AATK: variants seen among roughly 807,000 people sequenced by gnomAD.
AATK encodes lemur tail kinase 1.
Under a neutral mutation model 114.3 loss-of-function variants are expected in AATK, and 91 were observed. The ratio of observed to expected loss-of-function variants is 0.80; its 90% CI spans 0.67 to 0.95. The LOEUF (loss-of-function observed/expected upper bound fraction) is 0.95. AATK is among the 40% of genes least tolerant of loss of function. AATK has a pLI of 0.00. For missense variants in AATK, 2,176 were observed against 1,965.2 expected, an observed-to-expected ratio of 1.11 and a Z score of -2.03; for synonymous variants, 1,075 against 916.5, an observed-to-expected ratio of 1.17 and a Z score of -3.12.
rs1568220381 is a variant in AATK at position 81,121,735 on chromosome 17, G to A, written c.2201C>T (p.Ala734Val). Reference sequence around the variant, plus strand: ...GCAGCAGCCTGGCTCCTGGGCAGAGGCTGCCTGGAGCCCAAGCAGAGGCTC... The same window carrying A: ...GCAGCAGCCTGGCTCCTGGGCAGAGACTGCCTGGAGCCCAAGCAGAGGCTC... ...PGEPLLGLQA[A>V]SAQEPGCCPG... Residue 734 changes from alanine (A) to valine (V), a missense_variant, in exon 11 of 14, where the codon GCC becomes GTC. Coordinates refer to ENST00000326724, the MANE Select transcript of AATK (RefSeq NM_001080395.3). 6.7e-7 allele frequency: 1 copy of A among 1,498,148 alleles called. No individual in the cohort carries two copies. 92.8% of individuals were successfully genotyped at this position (1,498,148 alleles called of 1,614,324 possible). A position where few individuals can be genotyped will look rare whatever the true frequency, so the allele number is the denominator to read the frequency against.
intron 2 of AATK, among the ~76,000 whole-genome samples, chr17:81,133,511 G>A (rs151097283): frequency 5.5e-4 from 84 of 152,306 alleles, no homozygotes; most frequent in African/African-American, 1.8e-3. Flanking sequence ...TTCTCCTGGC[G>A]TAGGAATCTG....
Position 81,139,016 on chromosome 17 carries a change from ACC to A in AATK, c.56-4517_56-4516del, listed in dbSNP as rs1437781676. On this transcript the variant is annotated intron_variant, in intron 1 of 13. Coordinates refer to ENST00000326724, the MANE Select transcript of AATK (RefSeq NM_001080395.3). ...ACACACGCATGCACGCACCCCACAC[ACC>A]CACACGTGTGCACACCCACAGGCAC... 2.0e-5 allele frequency among the ~76,000 whole-genome samples: 3 copies of A among 151,036 alleles called. No individual in the cohort carries two copies. The East Asian group carries it at 5.8e-4, about 29-fold the overall frequency.
intron 10 of AATK, 81 bp from the exon 11 acceptor site, chr17:81,122,904 C>T: frequency 7.9e-7 from 1 of 1,272,438 alleles, no homozygotes; most frequent in Non-Finnish European, 1.0e-6. Flanking sequence ...GGGGGTTCCC[C>T]TAACTCCCAG....
At chr17:81,142,848 C>T (rs976388475) in intron 1 of AATK, among the ~76,000 whole-genome samples, 3 of 151,988 alleles carry the variant, frequency 2.0e-5, no homozygotes, top group African/African-American at 4.8e-5. Flanking sequence ...ACCCTATCCA[C>T]GGAGGTGTGG....
chr17:81,150,992 A>C (rs112926579), intron 1 of AATK, among the ~76,000 whole-genome samples: 1 of 152,144 alleles, frequency 6.6e-6, no homozygotes, highest in Admixed American at 6.5e-5. Context: ...TCTGTTACGA[A>C]TACCCCTACC....
chr17:81,140,551 C>A (rs776635215), intron 1 of AATK, among the ~76,000 whole-genome samples: 1 of 149,400 alleles, frequency 6.7e-6, no homozygotes, highest in Non-Finnish European at 1.5e-5. Context: ...GCCATTAGCC[C>A]GGATTGCCAG....
chr17:81,124,469 C>T (rs898267303), intron 9 of AATK, among the ~76,000 whole-genome samples: 1 of 152,228 alleles, frequency 6.6e-6, no homozygotes, highest in Non-Finnish European at 1.5e-5. Flanking sequence ...GGACAGACCC[C>T]CCGGCATGCT....
In AATK at chr17:81,136,568, G is replaced by A. The variant is rs991532946; in HGVS notation, c.56-2067C>T. Among the ~76,000 whole-genome samples, 5 of 152,138 alleles carry A rather than the reference G, an allele frequency of 3.3e-5. No individual in the cohort carries two copies. In the East Asian group the frequency reaches 5.8e-4, roughly 18 times the overall value. ...GCCATCCCATGCCTGGTCCTTCCCC[G>A]CACTGAGGCAGCTGGCCCTGGGGCA... On this transcript the variant is annotated intron_variant, in intron 1 of 13. Coordinates refer to ENST00000326724, the MANE Select transcript of AATK (RefSeq NM_001080395.3).
At chr17:81,165,153 G>A (rs954064154) in intron 1 of AATK, among the ~76,000 whole-genome samples, 18 of 152,228 alleles carry the variant, frequency 1.2e-4, no homozygotes, top group African/African-American at 4.1e-4. Flanking sequence ...AGCAGGGGCC[G>A]GATCTGGAGA....
In AATK at chr17:81,126,263, A is replaced by G. The variant is rs2060821793; in HGVS notation, c.755+164T>C. On this transcript the variant is annotated intron_variant, in intron 7 of 13. Transcript: ENST00000326724. This position sits in a 1 kb window ranked among gnomAD's most constrained non-coding sequence, Gnocchi z 5.1. ...CAAACCATTGTCTTCCCAATTTTTC[A>G]AAAACGTCATAAAATCCCTCTGCAT... Among the ~76,000 whole-genome samples, 1 of 152,200 alleles carries G rather than the reference A, an allele frequency of 6.6e-6. No homozygotes were observed. The highest frequency in any genetic ancestry group is 1.5e-5 in the Non-Finnish European group (1 of 68,024).
At chr17:81,119,281 G>C (rs1288256605) in intron 13 of AATK, 99 bp downstream of exon 13, 8 of 1,284,410 alleles carry the variant, frequency 6.2e-6, no homozygotes, top group Non-Finnish European at 8.2e-6. Flanking sequence ...CGGAGCCGGG[G>C]CTGGCCCGGC....
intron 1 of AATK, among the ~76,000 whole-genome samples, chr17:81,149,063 A>G (rs1011330122): frequency 6.6e-6 from 1 of 152,148 alleles, no homozygotes; most frequent in African/African-American, 2.4e-5. Context: ...TCTGGGTTGA[A>G]TGCGTCCCAT....
chr17:81,159,065 G>C (rs1309127895), intron 1 of AATK, among the ~76,000 whole-genome samples: 6 of 152,212 alleles, frequency 3.9e-5, no homozygotes, highest in African/African-American at 1.4e-4. Flanking sequence ...GCTGGGGGCA[G>C]GGGATGGGGA....
At chr17:81,130,852 G>C (rs913095402) in intron 3 of AATK, among the ~76,000 whole-genome samples, 1 of 152,220 alleles carries the variant, frequency 6.6e-6, no homozygotes, top group African/African-American at 2.4e-5. Context: ...CCAGGAGAAA[G>C]AGGTACATGC....
chr17:81,133,939 G>A (rs1438860127), intron 2 of AATK, among the ~76,000 whole-genome samples: 3 of 152,170 alleles, frequency 2.0e-5, no homozygotes, highest in Admixed American at 1.3e-4. Flanking sequence ...TGGGCAGCCC[G>A]GACTCCCCTT....
intron 2 of AATK, among the ~76,000 whole-genome samples, chr17:81,133,845 A>T (rs1468521037): frequency 6.6e-6 from 1 of 152,118 alleles, no homozygotes; most frequent in Admixed American, 6.5e-5. Context: ...CTAGCATCAC[A>T]CATCGTCCCC....
chr17:81,132,671 C>G, intron 2 of AATK: 1 of 319,434 alleles, frequency 3.1e-6, no homozygotes, highest in Non-Finnish European at 6.4e-6. Context: ...GCCCGGGGGC[C>G]AGCCGGGTCC....
At chr17:81,143,710 G>A (rs2146368100) in intron 1 of AATK, among the ~76,000 whole-genome samples, 1 of 152,262 alleles carries the variant, frequency 6.6e-6, no homozygotes, top group Admixed American at 6.5e-5. Flanking sequence ...TGGAGTCCAG[G>A]GGCCCCACGG....
Position 81,126,339 on chromosome 17 carries a change from C to G in AATK, c.755+88G>C, listed in dbSNP as rs1030422805. ...TGAACCTGGCCGGTCCTCGCAAGCC[C>G]CCTGAGGCAGGACCCGCCCTATGCC... On this transcript the variant is annotated intron_variant, in intron 7 of 13. Transcript: ENST00000326724. The surrounding 1 kb of genome is among the most constrained non-coding windows in gnomAD (Gnocchi z 5.1). 26 of 1,460,430 alleles carry G rather than the reference C, an allele frequency of 1.8e-5. No individual in the cohort carries two copies. The highest frequency in any genetic ancestry group is 2.4e-5 in the Non-Finnish European group (26 of 1,094,088). 90.5% of individuals were successfully genotyped at this position (1,460,430 alleles called of 1,614,324 possible).
Sources: allele counts gnomAD v4.1 joint callset (sites outside exome capture counted in the v4.1 genomes callset), GRCh38; gene constraint gnomAD v4.1.1; non-coding constraint Gnocchi (gnomAD v3.1); transcripts MANE v1.5; gene names NCBI Gene and HGNC (gene_info 2026-07-23, HGNC 2026-07-21).